CTNNA1: variants seen among roughly 807,000 people sequenced by gnomAD.
The protein encoded by CTNNA1 is catenin alpha-1.
A neutral mutation model predicts 98.4 loss-of-function variants in CTNNA1; 37 were observed. The observed-to-expected ratio is 0.38, with a 90% CI of 0.29 to 0.49. The LOEUF is 0.49. Among genes scored for constraint, CTNNA1 ranks in the 20% least tolerant of loss-of-function variants. The pLI, the probability that CTNNA1 is intolerant of heterozygous loss-of-function variation, is 0.95. For synonymous variants in CTNNA1, 404 were observed against 413.2 expected (o/e 0.98, Z 0.27); for missense variants, 761 against 1,147.2 (o/e 0.66, Z 4.86).
chr5:138,915,162 T>C (rs2150214376), intron 10 of CTNNA1, among the ~76,000 whole-genome samples: 1 of 152,090 alleles, frequency 6.6e-6, no homozygotes, highest in South Asian at 2.1e-4. Flanking sequence ...TAAAATAAAA[T>C]AAAATAAATA....
chr5:138,836,283 C>G (rs760261613), intron 7 of CTNNA1, among the ~76,000 whole-genome samples: 4 of 152,214 alleles, frequency 2.6e-5, no homozygotes, highest in Admixed American at 6.5e-5. Flanking sequence ...ATGTAAAAAT[C>G]ATGCAATAGT....
chr5:138,791,058 T>G (rs1425883579), intron 3 of CTNNA1: 1 of 152,218 alleles, frequency 6.6e-6, no homozygotes, highest in Non-Finnish European at 1.5e-5. Flanking sequence ...GTTCTTTTAC[T>G]AAATATTCCT....
At chr5:138,920,663 A>G (rs936366255) in intron 11 of CTNNA1, among the ~76,000 whole-genome samples, 2 of 152,166 alleles carry the variant, frequency 1.3e-5, no homozygotes, top group Non-Finnish European at 2.9e-5. Flanking sequence ...GAGAGGTTTT[A>G]TGTAGTATTT....
At chr5:138,824,273 G>C (rs972758130) in intron 5 of CTNNA1, among the ~76,000 whole-genome samples, 1 of 152,090 alleles carries the variant, frequency 6.6e-6, no homozygotes. Flanking sequence ...TTTAAAATAA[G>C]GTCATAAAAT....
intron 7 of CTNNA1, among the ~76,000 whole-genome samples, chr5:138,866,327 T>C (rs1561611161): frequency 6.9e-6 from 1 of 145,650 alleles, no homozygotes; most frequent in Non-Finnish European, 1.5e-5. Context: ...TATTTATTTA[T>C]TTTGGTACAA....
Position 138,783,379 on chromosome 5 carries a change from C to A in CTNNA1, c.301+7C>A, listed in dbSNP as rs776393261. On this transcript the variant is annotated splice_region_variant and intron_variant, in intron 3 of 17. Coordinates refer to ENST00000302763, the MANE Select transcript of CTNNA1 (RefSeq NM_001903.5). Reference sequence around the variant, plus strand: ...GAAGATGTTCGAAAACAAGGTAGGTCATTACTGCTTTTTAGGTAAAGAGAG... The same window carrying A: ...GAAGATGTTCGAAAACAAGGTAGGTAATTACTGCTTTTTAGGTAAAGAGAG... 5 of 1,604,818 alleles carry A rather than the reference C, an allele frequency of 3.1e-6. No individual in the cohort carries two copies. In the Admixed American group the frequency reaches 5.1e-5, roughly 16 times the overall value.
At chr5:138,861,910 TAAGCCCACGGTC>T (rs1764320373) in intron 7 of CTNNA1, among the ~76,000 whole-genome samples, 1 of 152,192 alleles carries the variant, frequency 6.6e-6, no homozygotes, top group African/African-American at 2.4e-5. Flanking sequence ...AAGCAGGTAG[TAAGCCCACGGTC>T]AAGAGATGTG....
chr5:138,931,660 G>C, intron 16 of CTNNA1: 1 of 985,376 alleles, frequency 1.0e-6, no homozygotes. Context: ...ATAGCCACTT[G>C]GACTACTGTG....
chr5:138,777,480 T>C (rs1189004420), intron 1 of CTNNA1, among the ~76,000 whole-genome samples: 1 of 151,976 alleles, frequency 6.6e-6, no homozygotes, highest in African/African-American at 2.4e-5. Context: ...GGCTGCAATC[T>C]CGGCACTTTG....
At chr5:138,857,085 C>T (rs530785841) in intron 7 of CTNNA1, among the ~76,000 whole-genome samples, 1 of 152,294 alleles carries the variant, frequency 6.6e-6, no homozygotes, top group East Asian at 1.9e-4. Context: ...GGTTCTTACC[C>T]TTTGCCTGCC....
chr5:138,861,884 T>G (rs1006748308), intron 7 of CTNNA1, among the ~76,000 whole-genome samples: 1 of 151,830 alleles, frequency 6.6e-6, no homozygotes, highest in African/African-American at 2.4e-5. Context: ...GGCACTTAGT[T>G]TTGTGGATTT....
At chr5:138,761,364 A>C (rs1376086776) in intron 1 of CTNNA1, among the ~76,000 whole-genome samples, 1 of 152,054 alleles carries the variant, frequency 6.6e-6, no homozygotes, top group African/African-American at 2.4e-5. Context: ...CTTCCTGAGT[A>C]GCTGGGATTT....
chr5:138,808,182 T>G (rs937997428), intron 3 of CTNNA1, among the ~76,000 whole-genome samples: 1 of 152,214 alleles, frequency 6.6e-6, no homozygotes, highest in Non-Finnish European at 1.5e-5. Flanking sequence ...ATTTAATTTT[T>G]GGGTGCATTG....
At chr5:138,802,558 T>G (rs559735023) in intron 3 of CTNNA1, among the ~76,000 whole-genome samples, 9 of 152,302 alleles carry the variant, frequency 5.9e-5, no homozygotes, top group African/African-American at 2.2e-4. Context: ...CAAAAATTTT[T>G]AAAGGTTACG....
intron 3 of CTNNA1, among the ~76,000 whole-genome samples, chr5:138,795,195 C>T (rs1756817061): frequency 6.8e-6 from 1 of 147,590 alleles, no homozygotes; most frequent in Non-Finnish European, 1.5e-5. Context: ...GTCATGGTGG[C>T]TCATGCCTGT....
At chr5:138,792,484 G>GT (rs775912110) in intron 3 of CTNNA1, among the ~76,000 whole-genome samples, 5 of 152,328 alleles carry the variant, frequency 3.3e-5, no homozygotes, top group Non-Finnish European at 5.9e-5. Flanking sequence ...GACAAAGCAC[G>GT]TATCAGTGAC....
At chr5:138,882,059 A>G (rs930948492) in intron 7 of CTNNA1, among the ~76,000 whole-genome samples, 2 of 152,192 alleles carry the variant, frequency 1.3e-5, no homozygotes, top group Admixed American at 6.5e-5. Flanking sequence ...ATGTGTCTCT[A>G]ATTGGTTATT....
At chr5:138,899,783 A>G (rs1757630719) in intron 9 of CTNNA1, among the ~76,000 whole-genome samples, 1 of 152,166 alleles carries the variant, frequency 6.6e-6, no homozygotes. Context: ...ATTTCTCTTA[A>G]TTTTTCACCT....
chr5:138,786,410 C>T (rs867815816), intron 3 of CTNNA1, among the ~76,000 whole-genome samples: 4 of 152,020 alleles, frequency 2.6e-5, no homozygotes, highest in Non-Finnish European at 4.4e-5. Flanking sequence ...TTGGCTATGT[C>T]GTTGAAGCCA....
Sources: gnomAD v4.1 joint callset for allele counts (sites outside exome capture counted in the v4.1 genomes callset) on GRCh38, gnomAD v4.1.1 for gene constraint, MANE v1.5 for transcripts, NCBI Gene and HGNC (gene_info 2026-07-23, HGNC 2026-07-21) for gene names.